Variants in JAZF1 observed in about 807,000 individuals in gnomAD.
JAZF1 encodes the protein JAZF zinc finger 1, also known as juxtaposed with another zinc finger protein 1.
JAZF1 carries 8 observed loss-of-function variants against 26.4 expected under a neutral mutation model. That is an observed-to-expected ratio of 0.30 (90% confidence interval 0.18 to 0.55). The LOEUF is 0.55. Among genes scored for constraint, JAZF1 ranks in the 20% least tolerant of loss-of-function variants. JAZF1 has a pLI of 0.94. For missense variants in JAZF1, 199 were observed against 322.0 expected (o/e 0.62, Z 2.92); for synonymous variants, 126 against 122.3 (o/e 1.03, Z -0.20).
intron 1 of JAZF1, among the ~76,000 whole-genome samples, chr7:28,081,823 A>G (rs1784141637): frequency 6.6e-6 from 1 of 152,204 alleles, no homozygotes; most frequent in African/African-American, 2.4e-5. Context: ...CTCTATTTCT[A>G]TTAATTCACA....
intron 1 of JAZF1, among the ~76,000 whole-genome samples, chr7:28,084,022 A>C (rs1321808129): frequency 6.6e-6 from 1 of 152,154 alleles, no homozygotes; most frequent in Non-Finnish European, 1.5e-5. Context: ...GAATGAGGGC[A>C]GAAGATGTCA....
At chr7:28,128,619 C>T (rs1782738812) in intron 1 of JAZF1, among the ~76,000 whole-genome samples, 1 of 152,168 alleles carries the variant, frequency 6.6e-6, no homozygotes, top group East Asian at 1.9e-4. Flanking sequence ...ATAAGCCCTC[C>T]AGAAGCTTCT....
At chr7:28,120,078 G>A (rs1399497610) in intron 1 of JAZF1, among the ~76,000 whole-genome samples, 1 of 151,966 alleles carries the variant, frequency 6.6e-6, no homozygotes, top group Non-Finnish European at 1.5e-5. Context: ...AAAGACTCTC[G>A]TAGGTACCCA....
intron 1 of JAZF1, among the ~76,000 whole-genome samples, chr7:28,101,303 C>A (rs1349691908): frequency 6.6e-6 from 1 of 152,110 alleles, no homozygotes; most frequent in Non-Finnish European, 1.5e-5. Flanking sequence ...ATTAAACACA[C>A]CTCCATCACA....
chr7:28,062,435 G>T (rs1464914815), intron 1 of JAZF1, among the ~76,000 whole-genome samples: 1 of 152,064 alleles, frequency 6.6e-6, no homozygotes, highest in Non-Finnish European at 1.5e-5. Context: ...CTCCAGTCTT[G>T]TGTGCAGAGC....
Position 27,853,096 on chromosome 7 carries a change from C to T in JAZF1, c.386-12229G>A, listed in dbSNP as rs183978054. Among the ~76,000 whole-genome samples the T allele has an allele frequency of 1.1e-4, 17 of 152,322 alleles. 1 individual carries two copies. ...CAGTCTTTGACGTGGCATTTACCTCCCCATTTCTAAATAATGTACTTCTGC... is the reference window on the plus strand; with the variant it reads ...CAGTCTTTGACGTGGCATTTACCTCTCCATTTCTAAATAATGTACTTCTGC... On this transcript the variant is annotated intron_variant, in intron 3 of 4. Coordinates refer to ENST00000283928, the MANE Select transcript of JAZF1 (RefSeq NM_175061.4).
chr7:28,151,791 C>CAA (rs369438312), intron 1 of JAZF1, among the ~76,000 whole-genome samples: 1,896 of 143,888 alleles, frequency 0.013, 34 homozygotes, highest in African/African-American at 0.043. Flanking sequence ...AATTCCATCT[C>CAA]AAAAAAAAAA....
intron 1 of JAZF1, among the ~76,000 whole-genome samples, chr7:28,123,873 A>T (rs1055750440): frequency 6.6e-6 from 1 of 152,174 alleles, no homozygotes; most frequent in Non-Finnish European, 1.5e-5. Flanking sequence ...ACTGTTTCTG[A>T]TCAATTCTAA....
chr7:27,856,303 C>T (rs185828115), intron 3 of JAZF1, among the ~76,000 whole-genome samples: 6 of 152,264 alleles, frequency 3.9e-5, no homozygotes, highest in East Asian at 1.9e-4. Context: ...CCGGTGGGTT[C>T]GTTGTCTTGC....
rs1241659347 is a variant in JAZF1 at position 28,068,236 on chromosome 7, TC to T, written c.116-76256del. ...AGCCTAGTTTTTTTTTTTTTTTTTT[TC>T]ATAAAGACAATTTGTAGTACTTTCA... On this transcript the variant is annotated intron_variant, in intron 1 of 4. Transcript: ENST00000283928. Among the ~76,000 whole-genome samples, 786 of 151,170 alleles carry T rather than the reference TC, an allele frequency of 5.2e-3. 2 individuals carry two copies. Among genetic ancestry groups the T allele is most frequent in the Non-Finnish European group, 9.1e-3 (615 of 67,758 alleles).
At chr7:27,969,088 G>A (rs960922570) in intron 2 of JAZF1, among the ~76,000 whole-genome samples, 2 of 152,048 alleles carry the variant, frequency 1.3e-5, no homozygotes, top group African/African-American at 4.8e-5. Context: ...TGGTCAATAG[G>A]CAAACTTGGA....
chr7:28,011,589 T>C (rs1247664417), intron 1 of JAZF1, among the ~76,000 whole-genome samples: 2 of 152,218 alleles, frequency 1.3e-5, no homozygotes, highest in African/African-American at 4.8e-5. Context: ...AACACACGGC[T>C]TTTTAACTGA....
chr7:27,977,728 T>TAC (rs551412766), intron 2 of JAZF1, among the ~76,000 whole-genome samples: 1 of 152,188 alleles, frequency 6.6e-6, no homozygotes, highest in African/African-American at 2.4e-5. Flanking sequence ...TCCACACACA[T>TAC]ACACACACAG....
At chr7:27,843,763 G>A (rs1439446393) in intron 3 of JAZF1, 2 of 152,384 alleles carry the variant, frequency 1.3e-5, no homozygotes, top group East Asian at 3.9e-4. Context: ...CCACCTCTCT[G>A]AGCTTCAAAT....
intron 1 of JAZF1, among the ~76,000 whole-genome samples, chr7:28,072,946 A>G (rs1783999088): frequency 6.6e-6 from 1 of 152,250 alleles, no homozygotes; most frequent in African/African-American, 2.4e-5. Context: ...GTATTTAAGA[A>G]AAGTACAAAG....
At chr7:28,086,152 T>A (rs144753675) in intron 1 of JAZF1, among the ~76,000 whole-genome samples, 16 of 152,348 alleles carry the variant, frequency 1.1e-4, no homozygotes, top group African/African-American at 3.8e-4. Flanking sequence ...CAGCACTCTG[T>A]CTTTATGACA....
At chr7:28,082,176 T>C (rs1440132056) in intron 1 of JAZF1, among the ~76,000 whole-genome samples, 1 of 152,150 alleles carries the variant, frequency 6.6e-6, no homozygotes, top group Non-Finnish European at 1.5e-5. Context: ...TCTGACAAAA[T>C]GAAGTAAGAC....
At chr7:27,960,751 C>G (rs1785172490) in intron 2 of JAZF1, among the ~76,000 whole-genome samples, 1 of 152,194 alleles carries the variant, frequency 6.6e-6, no homozygotes, top group Non-Finnish European at 1.5e-5. Flanking sequence ...AGCCACCCAG[C>G]AGGCTCAGGT....
Position 28,092,290 on chromosome 7 carries a change from C to CCAAAAAAAAAA in JAZF1, c.115+88172_115+88173insTTTTTTTTTTG, listed in dbSNP as rs1784310777. Among the ~76,000 whole-genome samples, 52 of 12,800 alleles carry CCAAAAAAAAAA rather than the reference C, an allele frequency of 4.1e-3. 4 individuals are homozygous for CCAAAAAAAAAA. The highest frequency in any genetic ancestry group is 0.01 in the African/African-American group (47 of 4,644). The allele number at this position is 12,800 out of a possible 152,430, so 8.4% of individuals were successfully genotyped here. A position where few individuals can be genotyped will look rare whatever the true frequency, so the allele number is the denominator to read the frequency against. On this transcript the variant is annotated intron_variant, in intron 1 of 4. Transcript: ENST00000283928. The stretch of plus-strand genomic sequence containing the variant: ...AACATCCCATTTCAGGGACAAAAGG[C>CCAAAAAAAAAA]AAAAAAAAAAAAAAAAAAAAAAAAA...
Sources: allele counts gnomAD v4.1 joint callset (sites outside exome capture counted in the v4.1 genomes callset), GRCh38; gene constraint gnomAD v4.1.1; transcripts MANE v1.5; gene names NCBI Gene and HGNC (gene_info 2026-07-23, HGNC 2026-07-21).